CKAP5: variants seen among roughly 807,000 people sequenced by gnomAD.
CKAP5 encodes the protein cytoskeleton associated protein 5.
Under a neutral mutation model 232.8 loss-of-function variants are expected in CKAP5, and 27 were observed. The observed-to-expected ratio is 0.12, with a 90% CI of 0.09 to 0.16. CKAP5 has a LOEUF of 0.16. CKAP5 is among the 10% of genes least tolerant of loss of function. The pLI, the probability that CKAP5 is intolerant of heterozygous loss-of-function variation, is 1.00. For missense variants in CKAP5, 1,838 were observed against 2,424.7 expected (o/e 0.76, Z 5.08); for synonymous variants, 785 against 841.1 (o/e 0.93, Z 1.16).
At chr11:46,839,746 G>T (rs1380382584) in intron 1 of CKAP5, among the ~76,000 whole-genome samples, 4 of 152,166 alleles carry the variant, frequency 2.6e-5, no homozygotes, top group African/African-American at 9.7e-5. Flanking sequence ...ACTTGGGTTT[G>T]AATTCAGATT....
rs764551764 is a variant in CKAP5 at position 46,774,569 on chromosome 11, C to A, written c.2991+1686G>T. On this transcript the variant is annotated intron_variant, in intron 24 of 43. Coordinates refer to ENST00000529230, the MANE Select transcript of CKAP5 (RefSeq NM_001008938.4). ...AAAAAGAACAAAGCTGGAGGCATCA[C>A]GCTACCTGATTTCAAATTATACTAC... Among the ~76,000 whole-genome samples the A allele has an allele frequency of 4.6e-5, 7 of 152,284 alleles. No individual in the cohort carries two copies. In the East Asian group the frequency reaches 1.4e-3, roughly 29 times the overall value.
chr11:46,777,883 C>T (rs1250336087), intron 22 of CKAP5, among the ~76,000 whole-genome samples: 1 of 152,166 alleles, frequency 6.6e-6, no homozygotes, highest in African/African-American at 2.4e-5. Context: ...ACATGTATTA[C>T]AAGCAGTTTT....
At chr11:46,784,205 T>C (rs549773571) in intron 17 of CKAP5, among the ~76,000 whole-genome samples, 2 of 151,866 alleles carry the variant, frequency 1.3e-5, no homozygotes, top group African/African-American at 4.8e-5. Flanking sequence ...CCTGTCTCTA[T>C]TAAAATTCAA....
chr11:46,830,569 G>T (rs371786194), intron 1 of CKAP5, among the ~76,000 whole-genome samples: 1 of 152,136 alleles, frequency 6.6e-6, no homozygotes, highest in African/African-American at 2.4e-5. Context: ...TCTGGAGGGA[G>T]TGTGGCCCTG....
At position 46,751,469 on chromosome 11, in the gene CKAP5, A is replaced by T; in HGVS notation, c.5199T>A (p.Leu1733=). 2 of 1,614,126 alleles carry T rather than the reference A, an allele frequency of 1.2e-6. No individual in the cohort carries two copies. The highest frequency in any genetic ancestry group is 1.7e-6 in the Non-Finnish European group (2 of 1,180,000). The part of the protein sequence containing the change: ...TINSINLDRI[L]LDIHIFMKVF... ...CCTTCATGAAAATGTGGATATCCAGAAGAATTCTGTCTAGGTTAATGCTAT... is the reference window on the plus strand; with the variant it reads ...CCTTCATGAAAATGTGGATATCCAGTAGAATTCTGTCTAGGTTAATGCTAT... Residue 1733 remains leucine, a synonymous_variant, in exon 39 of 44, where the codon CTT becomes CTA. Coordinates refer to ENST00000529230, the MANE Select transcript of CKAP5 (RefSeq NM_001008938.4).
At chr11:46,781,376 T>C (rs1592453565) in intron 18 of CKAP5, among the ~76,000 whole-genome samples, 1 of 152,052 alleles carries the variant, frequency 6.6e-6, no homozygotes, top group South Asian at 2.1e-4. Context: ...TTCCTGTCTT[T>C]GATCTCCTCT....
intron 33 of CKAP5, 82 bp from the exon 34 acceptor site, chr11:46,759,524 A>T: frequency 7.2e-7 from 1 of 1,381,966 alleles, no homozygotes; most frequent in South Asian, 1.4e-5. Context: ...GTTGCCCCAA[A>T]GCTTCAGGAC....
intron 13 of CKAP5, among the ~76,000 whole-genome samples, chr11:46,792,210 T>C (rs567928065): frequency 0.016 from 2,416 of 152,318 alleles, 41 homozygotes; most frequent in Admixed American, 0.057. Flanking sequence ...ACAAATCTAC[T>C]ATTCTTTTTG....
In CKAP5 at chr11:46,809,511, A is replaced by C; in HGVS notation, c.764-11T>G. The C allele has an allele frequency of 6.3e-7, 1 of 1,581,104 alleles. No individual in the cohort carries two copies. Among genetic ancestry groups the C allele is most frequent in the Non-Finnish European group, 8.7e-7 (1 of 1,153,588 alleles). On this transcript the variant is annotated splice_polypyrimidine_tract_variant and intron_variant, in intron 6 of 43. Transcript: ENST00000529230. ...CACCATCATCACCACCTTTAAGGAG[A>C]AAAACAACACAAACCTTAAAAATGC... is the stretch of plus-strand genomic sequence containing the variant.
chr11:46,838,893 C>T (rs1019957735), intron 1 of CKAP5, among the ~76,000 whole-genome samples: 2 of 148,538 alleles, frequency 1.3e-5, no homozygotes, highest in Admixed American at 1.3e-4. Flanking sequence ...CACAGAAACA[C>T]AGCCAACTGA....
In CKAP5 at chr11:46,818,436, T is replaced by G; in HGVS notation, c.125A>C (p.Lys42Thr). 6.2e-7 allele frequency: 1 copy of G among 1,609,086 alleles called. No homozygotes were observed. The highest frequency in any genetic ancestry group is 1.1e-5 in the South Asian group (1 of 90,000). ...TAAAAATTTGGACCACTCTGGGCTC[T>G]TTTCATCCTTTATTTTCTGGAAGAT... is the stretch of plus-strand genomic sequence containing the variant. ...LKIFQKIKDEKSPEWSKFLGL... is the reference protein window; with the variant it reads ...LKIFQKIKDETSPEWSKFLGL... The change falls in exon 3 of 44, where the codon AAG (lysine) becomes ACG (threonine). Residue 42 changes from lysine to threonine, a missense_variant. By Grantham distance (78) the Lys-to-Thr change is moderately conservative. Coordinates refer to ENST00000529230, the MANE Select transcript of CKAP5 (RefSeq NM_001008938.4).
intron 1 of CKAP5, 91 bp from the exon 2 acceptor site, chr11:46,821,359 G>A: frequency 1.8e-6 from 1 of 558,128 alleles, no homozygotes; most frequent in Non-Finnish European, 3.2e-6. Context: ...TATCATTCAT[G>A]CAACAACAAG....
rs769521383 is a variant in CKAP5, at chr11:46,759,062, A to G, written c.4569-19T>C. 1 of 1,611,972 alleles carries G rather than the reference A, an allele frequency of 6.2e-7. No homozygotes were observed. Among genetic ancestry groups the G allele is most frequent in the Non-Finnish European group, 8.5e-7 (1 of 1,179,150 alleles). On this transcript the variant is annotated intron_variant, in intron 34 of 43. Coordinates refer to ENST00000529230, the MANE Select transcript of CKAP5 (RefSeq NM_001008938.4). The stretch of plus-strand genomic sequence containing the variant: ...CCGGATCCTAGATAGCAGAACAAAG[A>G]GAAAACTTCAACCTCTATTACAAGA...
At chr11:46,802,559 C>CACAT (rs1555165932) in intron 8 of CKAP5, among the ~76,000 whole-genome samples, 95 of 88,708 alleles carry the variant, frequency 1.1e-3, no homozygotes, top group South Asian at 8.4e-3. Flanking sequence ...GACAGACAGA[C>CACAT]ACACACACAC....
Position 46,816,201 on chromosome 11 carries a change from A to G in CKAP5, c.455T>C (p.Leu152Ser), listed in dbSNP as rs150881731. 34 of 1,613,376 alleles carry G rather than the reference A, an allele frequency of 2.1e-5. No homozygotes were observed. The highest frequency in any genetic ancestry group is 3.3e-4 in the Middle Eastern group (2 of 6,060). Residue 152 changes from leucine (L) to serine (S), a missense_variant, in exon 4 of 44, where the codon TTA becomes TCA. Leu to Ser is a moderately radical substitution (Grantham distance 145). This residue lies in a region of CKAP5 where 285 missense variants were observed against 300.0 expected (regional missense o/e 0.95). Transcript: ENST00000529230. ...VACIETLRKA[L>S]SEFGSKIILL... ...CAAAGCTAAAACAAAGTCTTACCTT[A>G]AGGCTTTCCTCAGTGTCTCTATACA...
intron 42 of CKAP5, among the ~76,000 whole-genome samples, chr11:46,745,092 C>T (rs546459446): frequency 6.6e-6 from 1 of 152,296 alleles, no homozygotes; most frequent in East Asian, 1.9e-4. Flanking sequence ...ACTGGAGTGT[C>T]TGTAACCCTA....
intron 4 of CKAP5, among the ~76,000 whole-genome samples, 184 bp downstream of exon 4, chr11:46,816,014 C>T (rs1939390427): frequency 1.3e-5 from 2 of 152,030 alleles, no homozygotes; most frequent in South Asian, 2.1e-4. Flanking sequence ...CTGTGAACTG[C>T]ACATGTGAGG....
intron 13 of CKAP5, among the ~76,000 whole-genome samples, chr11:46,792,546 C>A (rs1938759476): frequency 6.8e-6 from 1 of 146,672 alleles, no homozygotes; most frequent in African/African-American, 2.7e-5. Context: ...AAAGGAGACT[C>A]TGTCTCAAAA....
intron 27 of CKAP5, among the ~76,000 whole-genome samples, chr11:46,766,246 A>G (rs1200301024): frequency 6.6e-6 from 1 of 152,244 alleles, no homozygotes; most frequent in Non-Finnish European, 1.5e-5. Flanking sequence ...ATATGAGATC[A>G]TTTATATGAA....
Sources: allele counts gnomAD v4.1 joint callset (sites outside exome capture counted in the v4.1 genomes callset), GRCh38; gene constraint gnomAD v4.1.1; regional missense constraint gnomAD v4.1.1; transcripts MANE v1.5; gene names NCBI Gene and HGNC (gene_info 2026-07-23, HGNC 2026-07-21).